The following PRPF19 variants were observed in gnomAD, a reference collection of about 807,000 sequenced individuals.
PRPF19 encodes the protein pre-mRNA processing factor 19.
PRPF19 carries 2 observed loss-of-function variants against 64.2 expected under a neutral mutation model. The observed-to-expected ratio is 0.03, with a 90% CI of 0.01 to 0.10. The LOEUF is 0.10. Ranked by LOEUF, PRPF19 falls within the 10% of genes least tolerant of loss-of-function variation. The probability of loss-of-function intolerance (pLI) is 1.00; values close to 1 mark genes in which losing one functional copy is unlikely to be tolerated. For missense variants in PRPF19, 314 were observed against 650.0 expected (o/e 0.48, Z 5.62); for synonymous variants, 226 against 251.6 (o/e 0.90, Z 0.96).
rs1215777812 is a variant in PRPF19, at chr11:60,906,520, A to G, written c.-138T>C. The G allele has an allele frequency of 8.9e-6, 8 of 901,824 alleles. No homozygotes were observed. Among genetic ancestry groups the G allele is most frequent in the Non-Finnish European group, 1.3e-5 (8 of 605,528 alleles). The allele number at this position is 901,824 out of a possible 1,614,324, so 55.9% of individuals were successfully genotyped here. A position where few individuals can be genotyped will look rare whatever the true frequency, so the allele number is the denominator to read the frequency against. Reference sequence around the variant, plus strand: ...TGGGAGCCGCCAGCCGAGCGATGCTAGCGTAGCGCTTCACGTGGGAATGGG... The same window carrying G: ...TGGGAGCCGCCAGCCGAGCGATGCTGGCGTAGCGCTTCACGTGGGAATGGG... On this transcript the variant is annotated 5_prime_UTR_variant, in exon 1 of 16. Transcript: ENST00000227524.
Position 60,896,231 on chromosome 11 carries a change from A to C in PRPF19, c.1417+1615T>G, listed in dbSNP as rs370464299. Among the ~76,000 whole-genome samples the C allele has an allele frequency of 5.1e-4, 78 of 152,352 alleles. 1 individual carries two copies. In the South Asian group the frequency reaches 0.012, roughly 23 times the overall value. On this transcript the variant is annotated intron_variant, in intron 15 of 15. Coordinates refer to ENST00000227524, the MANE Select transcript of PRPF19 (RefSeq NM_014502.5). ...ATATACTCTTCCCACTTATAAAAAA[A>C]AGTTAACTGTAAAACAGCACCAAGC...
chr11:60,897,691 T>C (rs1855936959), intron 15 of PRPF19, 155 bp downstream of exon 15: 5 of 620,940 alleles, frequency 8.1e-6, no homozygotes, highest in Non-Finnish European at 1.4e-5. Context: ...GCAGTCTGAC[T>C]CAGTTGCTTC....
At chr11:60,904,798 A>C (rs1172813547) in intron 1 of PRPF19, among the ~76,000 whole-genome samples, 2 of 152,186 alleles carry the variant, frequency 1.3e-5, no homozygotes, top group African/African-American at 4.8e-5. Flanking sequence ...ATTTTTATGA[A>C]AACTTCATTA....
At position 60,902,327 on chromosome 11, in the gene PRPF19, A is replaced by T; in HGVS notation, c.525+76T>A. The T allele has an allele frequency of 6.7e-7, 1 of 1,491,050 alleles. No homozygotes were observed. The highest frequency in any genetic ancestry group is 9.3e-7 in the Non-Finnish European group (1 of 1,073,654). The allele number at this position is 1,491,050 out of a possible 1,614,324, so 92.4% of individuals were successfully genotyped here. Reference sequence around the variant, plus strand: ...CAACTCCCAAAAGCACAGTGATTTTAGTCACGATGGACTCCAGACAGATGG... The same window carrying T: ...CAACTCCCAAAAGCACAGTGATTTTTGTCACGATGGACTCCAGACAGATGG... On this transcript the variant is annotated intron_variant, in intron 6 of 15. Coordinates refer to ENST00000227524, the MANE Select transcript of PRPF19 (RefSeq NM_014502.5). The surrounding 1 kb of genome is among the most constrained non-coding windows in gnomAD (Gnocchi z 5.0).
Position 60,899,170 on chromosome 11 carries a change from G to C in PRPF19, c.963C>G (p.Leu321=). Residue 321 remains leucine, a synonymous_variant, in exon 11 of 16, where the codon CTC becomes CTG. Transcript: ENST00000227524. ...GLSLHATGDY[L]LSSSDDQYWA... ...GCACCTGATCATCGGAGGAGCTCAG[G>C]AGATAGTCGCCAGTGGCATGAAGGC... The C allele has an allele frequency of 1.9e-6, 3 of 1,613,338 alleles. No individual in the cohort carries two copies. The highest frequency in any genetic ancestry group is 2.5e-6 in the Non-Finnish European group (3 of 1,179,680).
In PRPF19 at chr11:60,898,414, A is replaced by G; in HGVS notation, c.1140+127T>C. On this transcript the variant is annotated intron_variant, in intron 13 of 15. Transcript: ENST00000227524. This position sits in a 1 kb window ranked among gnomAD's most constrained non-coding sequence, Gnocchi z 4.6. The stretch of plus-strand genomic sequence containing the variant: ...GGGACCCCCCAGACCACACCATCAT[A>G]TCACACACGCACAGCCAGTGTCTCT... 1 of 1,533,900 alleles carries G rather than the reference A, an allele frequency of 6.5e-7. No individual in the cohort carries two copies. Among genetic ancestry groups the G allele is most frequent in the Middle Eastern group, 1.7e-4 (1 of 5,836 alleles).
chr11:60,904,024 T>C (rs1856015204), intron 1 of PRPF19, among the ~76,000 whole-genome samples, 163 bp from the exon 2 acceptor site: 1 of 152,178 alleles, frequency 6.6e-6, no homozygotes, highest in Admixed American at 6.5e-5. Flanking sequence ...CCCAGAATGC[T>C]TTCCAGCTAT....
chr11:60,905,922 C>A (rs1262851757), intron 1 of PRPF19, among the ~76,000 whole-genome samples: 3 of 152,194 alleles, frequency 2.0e-5, no homozygotes, highest in African/African-American at 7.2e-5. Flanking sequence ...TCCGACTATC[C>A]GAGCGAGGCC....
At chr11:60,903,929 G>C in intron 1 of PRPF19, 68 bp from the exon 2 acceptor site, 1 of 1,555,302 alleles carries the variant, frequency 6.4e-7, no homozygotes. Flanking sequence ...TTCCTCATCT[G>C]CTATTAGCCC....
intron 1 of PRPF19, among the ~76,000 whole-genome samples, chr11:60,905,761 T>C (rs958649319): frequency 2.6e-5 from 4 of 152,242 alleles, no homozygotes; most frequent in African/African-American, 7.2e-5. Context: ...AATGAGATCA[T>C]AGACTTGGAA....
intron 15 of PRPF19, chr11:60,897,612 C>T (rs905791462): frequency 4.9e-6 from 2 of 409,538 alleles, no homozygotes; most frequent in African/African-American, 4.1e-5. Context: ...ACTTTTCTCT[C>T]CCTTTAGTAA....
Position 60,903,857 on chromosome 11 carries a change from A to C in PRPF19, c.24T>G (p.Ser8=). Residue 8 remains serine (S), a synonymous_variant, in exon 2 of 16, where the codon TCT becomes TCG. Coordinates refer to ENST00000227524, the MANE Select transcript of PRPF19 (RefSeq NM_014502.5). ...CACATGGGTGCTCCGGCACTTCGTT[A>C]GAGACTGTAGAGAAAAGGCTGGTAG... MSLICSI[S]NEVPEHPCVS... 1.2e-6 allele frequency: 2 copies of C among 1,608,214 alleles called. No homozygotes were observed. Among genetic ancestry groups the C allele is most frequent in the Non-Finnish European group, 1.7e-6 (2 of 1,178,722 alleles).
intron 15 of PRPF19, among the ~76,000 whole-genome samples, chr11:60,892,779 TG>T (rs1855876298): frequency 6.6e-6 from 1 of 152,196 alleles, no homozygotes; most frequent in Non-Finnish European, 1.5e-5. Flanking sequence ...ATCCCCTTCC[TG>T]GGAATCTCAA....
intron 15 of PRPF19, 83 bp from the exon 16 acceptor site, chr11:60,891,346 A>C: frequency 9.7e-7 from 1 of 1,029,744 alleles, no homozygotes; most frequent in South Asian, 1.3e-5. Context: ...AGATTCCCAA[A>C]CAACCAGGCC....
At chr11:60,906,276 C>T in intron 1 of PRPF19, 88 bp downstream of exon 1, 1 of 1,498,422 alleles carries the variant, frequency 6.7e-7, no homozygotes, top group Non-Finnish European at 8.9e-7. Context: ...CGCCTCCACC[C>T]CGGCCCGGGC....
rs1335144975 is a variant in PRPF19 at position 60,902,409 on chromosome 11, A to T, written c.519T>A (p.Ile173=). 2.5e-6 allele frequency: 4 copies of T among 1,613,940 alleles called. No homozygotes were observed. In the South Asian group the frequency reaches 4.4e-5, roughly 18 times the overall value. ...AGGTGAGAGCAGGACTTACCTTCTGAATAATCTCTGGGGTCATTCCCACCA... is the reference window on the plus strand; with the variant it reads ...AGGTGAGAGCAGGACTTACCTTCTGTATAATCTCTGGGGTCATTCCCACCA... ...GELVGMTPEI[I]QKLQDKATVL... is the part of the protein sequence containing the mutation. The change falls in exon 6 of 16, where the codon ATT becomes ATA. Residue 173 remains isoleucine, a synonymous_variant. Transcript: ENST00000227524. This position sits in a 1 kb window ranked among gnomAD's most constrained non-coding sequence, Gnocchi z 5.0.
At chr11:60,903,900 C>T in intron 1 of PRPF19, 39 bp from the exon 2 acceptor site, 1 of 1,595,550 alleles carries the variant, frequency 6.3e-7, no homozygotes, top group Non-Finnish European at 8.5e-7. Context: ...GGAGTGAAGG[C>T]AATCTTGGGC....
intron 15 of PRPF19, among the ~76,000 whole-genome samples, chr11:60,894,274 C>G (rs953073085): frequency 5.9e-5 from 9 of 152,350 alleles, no homozygotes; most frequent in South Asian, 4.1e-4. Context: ...GTAGAACTTT[C>G]AGAACTGGAA....
In PRPF19 at chr11:60,891,008, A is replaced by G. The variant is rs968992669; in HGVS notation, c.*158T>C. The G allele has an allele frequency of 4.7e-6, 3 of 637,478 alleles. No homozygotes were observed. The highest frequency in any genetic ancestry group is 8.3e-6 in the Non-Finnish European group (3 of 360,762). The allele number at this position is 637,478 out of a possible 1,614,324, so 39.5% of individuals were successfully genotyped here. On this transcript the variant is annotated 3_prime_UTR_variant, in exon 16 of 16. Transcript: ENST00000227524. ...ATGGATGAGGGTGGTCCATGCCACC[A>G]TGGTTCTCAGGCCACCACTCAGACC...
Sources: gnomAD v4.1 joint callset for allele counts (sites outside exome capture counted in the v4.1 genomes callset) on GRCh38, gnomAD v4.1.1 for gene constraint, Gnocchi (gnomAD v3.1) non-coding constraint, MANE v1.5 for transcripts, NCBI Gene and HGNC (gene_info 2026-07-23, HGNC 2026-07-21) for gene names.